Variants in GULP1 observed in about 807,000 individuals in gnomAD.
GULP1 encodes PTB domain-containing engulfment adapter protein 1.
GULP1 carries 19 observed loss-of-function variants against 40.9 expected under a neutral mutation model. The observed-to-expected ratio is 0.46, with a 90% CI of 0.32 to 0.68. The LOEUF (loss-of-function observed/expected upper bound fraction) is 0.68. Among genes scored for constraint, GULP1 ranks in the 30% least tolerant of loss-of-function variants. The pLI, the probability that GULP1 is intolerant of heterozygous loss-of-function variation, is 0.03. For missense variants in GULP1, 312 were observed against 362.2 expected, an observed-to-expected ratio of 0.86 and a Z score of 1.12; for synonymous variants, 119 against 117.6, an observed-to-expected ratio of 1.01 and a Z score of -0.08.
chr2:188,448,893 C>T (rs1575326536), intron 2 of GULP1, among the ~76,000 whole-genome samples: 1 of 152,156 alleles, frequency 6.6e-6, no homozygotes, highest in Admixed American at 6.5e-5. Context: ...GGCCATGCAA[C>T]ATGCCTGCTC....
At chr2:188,295,941 AT>A (rs1164769701) in intron 1 of GULP1, among the ~76,000 whole-genome samples, 2 of 152,064 alleles carry the variant, frequency 1.3e-5, no homozygotes, top group Non-Finnish European at 2.9e-5. Context: ...TTTAATTTAA[AT>A]TTTACTTAGC....
chr2:188,396,600 A>T (rs2051307309), intron 2 of GULP1, among the ~76,000 whole-genome samples: 1 of 152,180 alleles, frequency 6.6e-6, no homozygotes. Flanking sequence ...CCTGGTGGAG[A>T]CAGCAACCAT....
At chr2:188,524,013 C>A (rs1003044516) in intron 5 of GULP1, among the ~76,000 whole-genome samples, 1 of 152,182 alleles carries the variant, frequency 6.6e-6, no homozygotes, top group Admixed American at 6.5e-5. Context: ...TTTAATCATT[C>A]CAAAAGAGGA....
intron 1 of GULP1, among the ~76,000 whole-genome samples, chr2:188,340,811 G>T (rs1044178508): frequency 6.6e-6 from 1 of 152,140 alleles, no homozygotes; most frequent in African/African-American, 2.4e-5. Flanking sequence ...CACTCAGTGG[G>T]AAGGGGAGTT....
At chr2:188,582,487 A>G (rs1157808704) in intron 9 of GULP1, 1 of 471,604 alleles carries the variant, frequency 2.1e-6, no homozygotes, top group South Asian at 1.5e-5. Flanking sequence ...CCAGACTATC[A>G]CTGGGACTGT....
intron 1 of GULP1, among the ~76,000 whole-genome samples, chr2:188,320,559 A>G (rs2039812751): frequency 6.6e-6 from 1 of 152,170 alleles, no homozygotes; most frequent in Admixed American, 6.6e-5. Context: ...GGTATTTTAC[A>G]AAAATGTATG....
intron 5 of GULP1, among the ~76,000 whole-genome samples, chr2:188,525,876 A>G (rs550627379): frequency 8.5e-5 from 13 of 152,218 alleles, no homozygotes; most frequent in Non-Finnish European, 1.9e-4. Flanking sequence ...TTAATAAAAC[A>G]TTTAGAGCTT....
intron 1 of GULP1, among the ~76,000 whole-genome samples, chr2:188,348,902 A>G (rs1356489575): frequency 2.0e-5 from 3 of 152,218 alleles, no homozygotes; most frequent in Non-Finnish European, 2.9e-5. Flanking sequence ...GTATGAACCG[A>G]TTTTGCAAAC....
intron 1 of GULP1, among the ~76,000 whole-genome samples, chr2:188,344,337 T>C (rs564053746): frequency 2.0e-5 from 3 of 152,322 alleles, no homozygotes; most frequent in Non-Finnish European, 4.4e-5. Context: ...TGGGCACCAG[T>C]AGGTGTGGTT....
intron 2 of GULP1, among the ~76,000 whole-genome samples, chr2:188,411,217 C>T (rs918738492): frequency 1.3e-4 from 20 of 152,142 alleles, no homozygotes; most frequent in African/African-American, 4.3e-4. Flanking sequence ...TCTGTGTCAG[C>T]GTATGTTATT....
At chr2:188,329,288 T>G (rs926525406) in intron 1 of GULP1, among the ~76,000 whole-genome samples, 1 of 152,146 alleles carries the variant, frequency 6.6e-6, no homozygotes, top group African/African-American at 2.4e-5. Context: ...TGTAAACAGT[T>G]CTTTATTCAA....
intron 11 of GULP1, chr2:188,589,795 T>A (rs1703146892): frequency 9.2e-7 from 1 of 1,088,706 alleles, no homozygotes; most frequent in Admixed American, 3.2e-5. Flanking sequence ...CTTACAAATT[T>A]TTAAAGCTGA....
intron 6 of GULP1, among the ~76,000 whole-genome samples, chr2:188,536,413 A>G (rs999531974): frequency 2.0e-5 from 3 of 152,154 alleles, no homozygotes; most frequent in Non-Finnish European, 2.9e-5. Context: ...CTGGCTAGCT[A>G]GGTATCCCAG....
intron 3 of GULP1, among the ~76,000 whole-genome samples, chr2:188,479,791 G>GA (rs2061311667): frequency 6.6e-6 from 1 of 152,086 alleles, no homozygotes; most frequent in Non-Finnish European, 1.5e-5. Context: ...GAAATCCCAA[G>GA]AGTTGGATAG....
intron 2 of GULP1, among the ~76,000 whole-genome samples, chr2:188,425,018 G>A (rs886803639): frequency 1.3e-5 from 2 of 151,704 alleles, no homozygotes; most frequent in Non-Finnish European, 3.0e-5. Context: ...TCTTTTTTTC[G>A]ATATTAGTAC....
chr2:188,413,984 C>T (rs76095301), intron 2 of GULP1, among the ~76,000 whole-genome samples: 18,339 of 151,654 alleles, frequency 0.12, 1,250 homozygotes, highest in Middle Eastern at 0.17. Context: ...GTTGGGAGGC[C>T]GAGGCTGGCG....
rs543229607 is a variant in GULP1, at chr2:188,595,064, A to C, written c.*1053A>C. On this transcript the variant is annotated 3_prime_UTR_variant, in exon 12 of 12. Coordinates refer to ENST00000409830, the MANE Select transcript of GULP1 (RefSeq NM_016315.4). The stretch of plus-strand genomic sequence containing the variant: ...AAGTCAAAAATCTCATTTTCCAAAA[A>C]AAAAAAAAAAACCCAGTTACTGCTC... The C allele has an allele frequency of 6.6e-6, 1 of 151,444 alleles. No homozygotes were observed. Among genetic ancestry groups the C allele is most frequent in the Admixed American group, 6.6e-5 (1 of 15,148 alleles). 9.4% of individuals were successfully genotyped at this position (151,444 alleles called of 1,614,324 possible). A position where few individuals can be genotyped will look rare whatever the true frequency, so the allele number is the denominator to read the frequency against.
intron 2 of GULP1, among the ~76,000 whole-genome samples, chr2:188,400,718 T>C (rs1344140821): frequency 1.3e-5 from 2 of 152,114 alleles, no homozygotes; most frequent in East Asian, 3.8e-4. Context: ...AGGTTTGAAA[T>C]GATGATGACT....
Position 188,591,804 on chromosome 2 carries a change from T to G in GULP1, c.844-2136T>G, listed in dbSNP as rs111230661. 7 of 151,988 alleles carry G rather than the reference T, an allele frequency of 4.6e-5. 1 individual carries two copies. The highest frequency in any genetic ancestry group is 1.7e-4 in the African/African-American group (7 of 41,554). The allele number at this position is 151,988 out of a possible 1,614,324, so 9.4% of individuals were successfully genotyped here. On this transcript the variant is annotated intron_variant, in intron 11 of 11. Transcript: ENST00000409830. The stretch of plus-strand genomic sequence containing the variant: ...TGTAGTGATTTTTCTTTCCTTGATA[T>G]GCTTTTCTATTTCAAAATAAGAAAA...
Sources: allele counts gnomAD v4.1 joint callset (sites outside exome capture counted in the v4.1 genomes callset), GRCh38; gene constraint gnomAD v4.1.1; transcripts MANE v1.5; gene names NCBI Gene and HGNC (gene_info 2026-07-23, HGNC 2026-07-21).